Variants in MAST3 observed in about 807,000 individuals in gnomAD.
The protein encoded by MAST3 is microtubule associated serine/threonine kinase 3.
A neutral mutation model predicts 127.0 loss-of-function variants in MAST3; 43 were observed. The observed-to-expected ratio is 0.34, with a 90% CI of 0.27 to 0.44. The LOEUF is 0.44. MAST3 is among the 20% of genes least tolerant of loss of function. The pLI, the probability that MAST3 is intolerant of heterozygous loss-of-function variation, is 1.00. For synonymous variants in MAST3, 785 were observed against 809.2 expected (o/e 0.97, Z 0.51); for missense variants, 1,390 against 1,919.1 (o/e 0.72, Z 5.15).
chr19:18,124,934 C>A (rs56101340), intron 11 of MAST3, among the ~76,000 whole-genome samples, 160 bp downstream of exon 11: 3 of 137,612 alleles, frequency 2.2e-5, no homozygotes, highest in East Asian at 2.1e-4. Context: ...GGTGGAAACC[C>A]CCCCCCTACT....
At chr19:18,111,263 C>T (rs62123563) in intron 3 of MAST3, among the ~76,000 whole-genome samples, 16,979 of 148,076 alleles carry the variant, frequency 0.11, 1,222 homozygotes, top group East Asian at 0.16. Flanking sequence ...AGAGGAGATG[C>T]CAGTTTTCCT....
At position 18,143,905 on chromosome 19, in the gene MAST3, G is replaced by A; in HGVS notation, c.2482G>A (p.Gly828Ser). ...CTTCTCATCAGAGGATGAGGGGGTA[G>A]GCCCAGGCCCTGCAGGCCCCAAGAG... ...FAFSSEDEGV[G>S]PGPAGPKRPV... Residue 828 changes from glycine (G) to serine (S), a missense_variant, in exon 22 of 28, where the codon GGC (glycine) becomes AGC (serine). Gly to Ser is a moderately conservative substitution (Grantham distance 56). Transcript: ENST00000687212. 6.2e-7 allele frequency: 1 copy of A among 1,613,776 alleles called. No homozygotes were observed. Among genetic ancestry groups the A allele is most frequent in the Non-Finnish European group, 8.5e-7 (1 of 1,179,850 alleles).
At chr19:18,107,495 C>T (rs2038167348) in intron 1 of MAST3, 92 bp from the exon 2 acceptor site, 1 of 1,248,250 alleles carries the variant, frequency 8.0e-7, no homozygotes, top group Non-Finnish European at 1.2e-6. Context: ...TTGGTTGGGG[C>T]ATGGGATTGG....
At chr19:18,142,151 C>A in intron 21 of MAST3, 136 bp downstream of exon 21, 1 of 951,910 alleles carries the variant, frequency 1.1e-6, no homozygotes, top group South Asian at 3.9e-5. Context: ...CCTATCAGGT[C>A]CCTGGCAACC....
At chr19:18,118,034 G>A (rs1054554565) in intron 3 of MAST3, 34 of 867,570 alleles carry the variant, frequency 3.9e-5, no homozygotes, top group Admixed American at 6.2e-5. Flanking sequence ...CTTCCTTCTC[G>A]CCGCCCCCCC....
At chr19:18,114,953 C>A (rs190232767) in intron 3 of MAST3, among the ~76,000 whole-genome samples, 2 of 152,064 alleles carry the variant, frequency 1.3e-5, no homozygotes, top group African/African-American at 4.8e-5. Context: ...GACCGTTGAA[C>A]GGGGGTGTCT....
At chr19:18,111,286 C>G (rs1026476000) in intron 3 of MAST3, among the ~76,000 whole-genome samples, 40 of 70,422 alleles carry the variant, frequency 5.7e-4, no homozygotes, top group Non-Finnish European at 8.8e-4. Context: ...TTCAGTCCAT[C>G]CCCCGGGGGC....
intron 19 of MAST3, 28 bp from the exon 20 acceptor site, chr19:18,138,987 G>T (rs766079350): frequency 6.8e-7 from 1 of 1,466,414 alleles, no homozygotes; most frequent in Non-Finnish European, 9.4e-7. Context: ...GGCATCAGGC[G>T]TGCTGCATGT....
chr19:18,117,954 G>A (rs1341476505), intron 3 of MAST3: 2 of 212,816 alleles, frequency 9.4e-6, no homozygotes, highest in Non-Finnish European at 1.6e-5. Flanking sequence ...CCTCCCGACA[G>A]GCCCCGCCCC....
intron 2 of MAST3, 28 bp downstream of exon 2, chr19:18,107,646 G>A (rs1319695606): frequency 1.9e-6 from 3 of 1,609,204 alleles, no homozygotes; most frequent in Non-Finnish European, 2.5e-6. Flanking sequence ...TGGCGGGCTG[G>A]GTGGGCCCCA....
At chr19:18,123,862 T>C in intron 8 of MAST3, 77 bp from the exon 9 acceptor site, 1 of 1,277,050 alleles carries the variant, frequency 7.8e-7, no homozygotes, top group Non-Finnish European at 1.1e-6. Flanking sequence ...TCCCCAACCA[T>C]GCCTCTCCTG....
chr19:18,147,416 C>A (rs773591146), intron 26 of MAST3, 27 bp from the exon 27 acceptor site: 2 of 1,610,178 alleles, frequency 1.2e-6, no homozygotes, highest in African/African-American at 1.3e-5. Context: ...AGCAGGGGTT[C>A]TGAAGCCTCC....
Position 18,110,186 on chromosome 19 carries a change from T to G in MAST3, c.72-466T>G. On this transcript the variant is annotated intron_variant, in intron 2 of 27. Coordinates refer to ENST00000687212, the MANE Select transcript of MAST3 (RefSeq NM_001393504.1). This position sits in a 1 kb window ranked among gnomAD's most constrained non-coding sequence, Gnocchi z 4.3. Reference sequence around the variant, plus strand: ...AGCGGCCCAGCCCCCGCGTCTAGTCTGCCGCACCAGCCAGGCGTCTGTCCC... The same window carrying G: ...AGCGGCCCAGCCCCCGCGTCTAGTCGGCCGCACCAGCCAGGCGTCTGTCCC... 3.0e-6 allele frequency: 3 copies of G among 985,414 alleles called. No homozygotes were observed. Among genetic ancestry groups the G allele is most frequent in the South Asian group, 4.7e-5 (1 of 21,290 alleles). 61.0% of individuals were successfully genotyped at this position (985,414 alleles called of 1,614,324 possible).
Position 18,122,653 on chromosome 19 carries a change from G to T in MAST3, c.321-20G>T, listed in dbSNP as rs375720683. 1 of 1,608,350 alleles carries T rather than the reference G, an allele frequency of 6.2e-7. No individual in the cohort carries two copies. Among genetic ancestry groups the T allele is most frequent in the Non-Finnish European group, 8.5e-7 (1 of 1,176,890 alleles). ...CAGGGGCCAGGCCTTCCTTCCATCT[G>T]TTCTTGTTCCCCTCTCCAGGGCAGA... On this transcript the variant is annotated intron_variant, in intron 5 of 27. Transcript: ENST00000687212.
chr19:18,127,070 G>A (rs2040734679), intron 11 of MAST3, among the ~76,000 whole-genome samples: 1 of 151,494 alleles, frequency 6.6e-6, no homozygotes, highest in Admixed American at 6.6e-5. Context: ...GTGAGCCACC[G>A]CGCCTGGCCT....
chr19:18,108,396 C>G (rs1345016885), intron 2 of MAST3, among the ~76,000 whole-genome samples: 1 of 149,612 alleles, frequency 6.7e-6, no homozygotes, highest in Admixed American at 6.7e-5. Context: ...GAGACGGGGT[C>G]CCTCTCTCTC....
intron 19 of MAST3, 72 bp downstream of exon 19, chr19:18,137,433 T>C: frequency 6.6e-7 from 1 of 1,522,340 alleles, no homozygotes; most frequent in Non-Finnish European, 8.9e-7. Flanking sequence ...GGCAGAGGGC[T>C]GTGTGCCAGG....
At chr19:18,123,422 G>A in intron 7 of MAST3, 48 bp downstream of exon 7, 1 of 1,560,962 alleles carries the variant, frequency 6.4e-7, no homozygotes, top group Non-Finnish European at 8.7e-7. Flanking sequence ...CTGGGCTGGT[G>A]TGGAGGCCCA....
Position 18,110,113 on chromosome 19 carries a change from G to T in MAST3, c.72-539G>T, listed in dbSNP as rs2038415719. On this transcript the variant is annotated intron_variant, in intron 2 of 27. Transcript: ENST00000687212. The surrounding 1 kb of genome is among the most constrained non-coding windows in gnomAD (Gnocchi z 4.3). ...CGCTGCCGGGCCGGGCCTGCGCGCAGGTGCGGAGCTGCGATCCCCGCCCCG... is the reference window on the plus strand; with the variant it reads ...CGCTGCCGGGCCGGGCCTGCGCGCATGTGCGGAGCTGCGATCCCCGCCCCG... 6 of 985,238 alleles carry T rather than the reference G, an allele frequency of 6.1e-6. No homozygotes were observed. Among genetic ancestry groups the T allele is most frequent in the Non-Finnish European group, 7.2e-6 (6 of 829,932 alleles). The allele number at this position is 985,238 out of a possible 1,614,324, so 61.0% of individuals were successfully genotyped here.
Sources: allele counts gnomAD v4.1 joint callset (sites outside exome capture counted in the v4.1 genomes callset), GRCh38; gene constraint gnomAD v4.1.1; non-coding constraint Gnocchi (gnomAD v3.1); transcripts MANE v1.5; gene names NCBI Gene and HGNC (gene_info 2026-07-23, HGNC 2026-07-21).